EXOC6B: variants seen among roughly 807,000 people sequenced by gnomAD.
The protein encoded by EXOC6B is SEC15 homolog B.
EXOC6B carries 54 observed loss-of-function variants against 113.5 expected under a neutral mutation model. That is an observed-to-expected ratio of 0.48 (90% CI 0.38 to 0.60). The LOEUF (loss-of-function observed/expected upper bound fraction) is 0.60. Among genes scored for constraint, EXOC6B ranks in the 20% least tolerant of loss-of-function variants. EXOC6B has a pLI of 0.00. For synonymous variants in EXOC6B, 357 were observed against 339.0 expected, an observed-to-expected ratio of 1.05 and a Z score of -0.58; for missense variants, 797 against 977.5, an observed-to-expected ratio of 0.82 and a Z score of 2.46.
chr2:72,243,770 A>G (rs1335261508), intron 20 of EXOC6B, among the ~76,000 whole-genome samples: 1 of 152,180 alleles, frequency 6.6e-6, no homozygotes, highest in Non-Finnish European at 1.5e-5. Flanking sequence ...AACAAGAACA[A>G]AAACGAAAAA....
chr2:72,782,139 C>CAAAAAA (rs374201314), intron 1 of EXOC6B, among the ~76,000 whole-genome samples: 1 of 65,302 alleles, frequency 1.5e-5, no homozygotes. Context: ...GACTCACTCT[C>CAAAAAA]AAAAAAAAAA....
At chr2:72,616,333 A>T (rs1439638336) in intron 6 of EXOC6B, among the ~76,000 whole-genome samples, 1 of 152,232 alleles carries the variant, frequency 6.6e-6, no homozygotes, top group Non-Finnish European at 1.5e-5. Flanking sequence ...AAACCTGAGC[A>T]AAAAGAACAA....
At chr2:72,783,396 C>A (rs1313988161) in intron 1 of EXOC6B, among the ~76,000 whole-genome samples, 1 of 129,718 alleles carries the variant, frequency 7.7e-6, no homozygotes, top group Admixed American at 9.3e-5. Flanking sequence ...GCAATCTCAA[C>A]TCACTGCAAC....
chr2:72,416,115 T>C (rs943142444), intron 18 of EXOC6B, among the ~76,000 whole-genome samples: 8 of 152,146 alleles, frequency 5.3e-5, no homozygotes, highest in African/African-American at 1.9e-4. Context: ...ATGACAGCCA[T>C]GGCAGAAAAA....
intron 18 of EXOC6B, among the ~76,000 whole-genome samples, chr2:72,389,699 G>C (rs1692252166): frequency 6.6e-6 from 1 of 151,934 alleles, no homozygotes; most frequent in Non-Finnish European, 1.5e-5. Flanking sequence ...TTTTAATCGT[G>C]TCATTTCATT....
intron 1 of EXOC6B, among the ~76,000 whole-genome samples, chr2:72,801,712 G>A (rs1274739778): frequency 2.0e-5 from 3 of 152,170 alleles, no homozygotes; most frequent in Non-Finnish European, 4.4e-5. Flanking sequence ...AAGGGGTACT[G>A]TAGAACTAAG....
intron 1 of EXOC6B, among the ~76,000 whole-genome samples, chr2:72,821,895 G>A (rs1176100453): frequency 3.3e-5 from 5 of 152,058 alleles, no homozygotes; most frequent in East Asian, 1.9e-4. Flanking sequence ...ACAACTCTGC[G>A]AATATACATA....
chr2:72,709,935 A>G (rs1293782077), intron 6 of EXOC6B, among the ~76,000 whole-genome samples: 2 of 152,200 alleles, frequency 1.3e-5, no homozygotes, highest in African/African-American at 4.8e-5. Context: ...TTAAAGTCAT[A>G]TACATAAATT....
intron 6 of EXOC6B, among the ~76,000 whole-genome samples, chr2:72,597,930 A>C (rs558710503): frequency 6.6e-6 from 1 of 152,170 alleles, no homozygotes; most frequent in African/African-American, 2.4e-5. Flanking sequence ...ACAGAGCACC[A>C]ATATGCATAA....
intron 20 of EXOC6B, among the ~76,000 whole-genome samples, chr2:72,297,835 G>A (rs549473267): frequency 2.0e-5 from 3 of 152,166 alleles, no homozygotes; most frequent in Non-Finnish European, 4.4e-5. Flanking sequence ...GTTCTAATTT[G>A]ATTGCACTGT....
At chr2:72,556,180 G>A (rs1703532050) in intron 8 of EXOC6B, among the ~76,000 whole-genome samples, 1 of 152,182 alleles carries the variant, frequency 6.6e-6, no homozygotes, top group Non-Finnish European at 1.5e-5. Context: ...TTGACTTTCT[G>A]GAAGGCCAAA....
chr2:72,194,960 A>C (rs1679081280), intron 20 of EXOC6B, among the ~76,000 whole-genome samples: 1 of 152,162 alleles, frequency 6.6e-6, no homozygotes, highest in Admixed American at 6.5e-5. Context: ...GTGGCTGTGC[A>C]GCTCCCTGCT....
At chr2:72,618,540 ATTC>A (rs1573497301) in intron 6 of EXOC6B, among the ~76,000 whole-genome samples, 1 of 152,186 alleles carries the variant, frequency 6.6e-6, no homozygotes, top group African/African-American at 2.4e-5. Context: ...TTCTTGAGAT[ATTC>A]TTCATTAATG....
At chr2:72,798,817 G>A (rs11673774) in intron 1 of EXOC6B, among the ~76,000 whole-genome samples, 1 of 152,128 alleles carries the variant, frequency 6.6e-6, no homozygotes, top group Non-Finnish European at 1.5e-5. Flanking sequence ...TAATAACCCA[G>A]TAAAATAAAA....
intron 11 of EXOC6B, among the ~76,000 whole-genome samples, chr2:72,507,188 G>C (rs1700638940): frequency 6.6e-6 from 1 of 152,080 alleles, no homozygotes; most frequent in Non-Finnish European, 1.5e-5. Flanking sequence ...AAATAATGTA[G>C]TCACATAGCC....
intron 1 of EXOC6B, among the ~76,000 whole-genome samples, chr2:72,820,612 G>A (rs1377558458): frequency 6.6e-6 from 1 of 152,094 alleles, no homozygotes; most frequent in African/African-American, 2.4e-5. Flanking sequence ...AGTTAGGCTA[G>A]CTAGCAAAAA....
At chr2:72,299,126 A>T (rs1686341379) in intron 20 of EXOC6B, among the ~76,000 whole-genome samples, 1 of 152,090 alleles carries the variant, frequency 6.6e-6, no homozygotes, top group African/African-American at 2.4e-5. Context: ...TACACCAATC[A>T]GACGTAGATT....
At chr2:72,419,314 C>T (rs1211249821) in intron 18 of EXOC6B, among the ~76,000 whole-genome samples, 2 of 152,264 alleles carry the variant, frequency 1.3e-5, no homozygotes, top group East Asian at 3.9e-4. Context: ...AAAATCATAT[C>T]TAAAACAAAA....
At chr2:72,491,677 G>A (rs1025537690) in intron 16 of EXOC6B, among the ~76,000 whole-genome samples, 2 of 152,042 alleles carry the variant, frequency 1.3e-5, no homozygotes, top group Non-Finnish European at 2.9e-5. Context: ...ACCAAATCTC[G>A]TTTGCCAAGG....
Sources: gnomAD v4.1 joint callset for allele counts (sites outside exome capture counted in the v4.1 genomes callset) on GRCh38, gnomAD v4.1.1 for gene constraint, MANE v1.5 for transcripts, NCBI Gene and HGNC (gene_info 2026-07-23, HGNC 2026-07-21) for gene names.